Variants in RERE observed in about 807,000 individuals in gnomAD.
RERE encodes the protein arginine-glutamic acid dipeptide repeats protein.
In RERE, 40 loss-of-function variants were observed where a neutral mutation model predicts 146.1. The observed-to-expected ratio is 0.27, with a 90% CI of 0.21 to 0.36. The LOEUF (loss-of-function observed/expected upper bound fraction) is 0.36, where lower values mean the gene tolerates loss of function less well. RERE is among the 10% of genes least tolerant of loss of function. The pLI, the probability that RERE is intolerant of heterozygous loss-of-function variation, is 1.00. For synonymous variants in RERE, 1,003 were observed against 866.0 expected, an observed-to-expected ratio of 1.16 and a Z score of -2.78; for missense variants, 1,933 against 2,138.7, an observed-to-expected ratio of 0.90 and a Z score of 1.90.
At chr1:8,564,546 T>C (rs560525110) in intron 4 of RERE, among the ~76,000 whole-genome samples, 1 of 152,264 alleles carries the variant, frequency 6.6e-6, no homozygotes, top group East Asian at 1.9e-4. Flanking sequence ...CACAGGTAAA[T>C]CAAAACTAAA....
At chr1:8,730,125 C>T (rs1247871340) in intron 1 of RERE, among the ~76,000 whole-genome samples, 14 of 152,086 alleles carry the variant, frequency 9.2e-5, no homozygotes, top group Admixed American at 9.2e-4. Flanking sequence ...AGGTAAATAC[C>T]AAGGACTGAA....
intron 16 of RERE, among the ~76,000 whole-genome samples, 187 bp downstream of exon 16, chr1:8,362,496 G>A (rs1010465146): frequency 1.3e-5 from 2 of 152,280 alleles, no homozygotes; most frequent in Middle Eastern, 3.4e-3. Context: ...GTTGGTGCTC[G>A]AGCCCCCTTC....
At position 8,356,397 on chromosome 1, in the gene RERE, C is replaced by T. The variant is rs1014642036; in HGVS notation, c.4340-151G>A. ...ACCACCTGGCTACAGGTGGCCCTGC[C>T]CCAAAGTGGCTGCCTCCACCTTCAG... is the stretch of plus-strand genomic sequence containing the variant. On this transcript the variant is annotated intron_variant, in intron 20 of 22. Transcript: ENST00000400908. The surrounding 1 kb of genome is among the most constrained non-coding windows in gnomAD (Gnocchi z 5.2). 1 of 892,886 alleles carries T rather than the reference C, an allele frequency of 1.1e-6. No homozygotes were observed. The highest frequency in any genetic ancestry group is 1.6e-6 in the Non-Finnish European group (1 of 641,578). 55.3% of individuals were successfully genotyped at this position (892,886 alleles called of 1,614,324 possible).
chr1:8,757,389 G>A (rs1640664222), intron 1 of RERE, among the ~76,000 whole-genome samples: 1 of 152,132 alleles, frequency 6.6e-6, no homozygotes, highest in Non-Finnish European at 1.5e-5. Flanking sequence ...CTCTAGTCAT[G>A]ACTAAATGAA....
chr1:8,444,146 C>G (rs557868953), intron 11 of RERE, among the ~76,000 whole-genome samples: 39 of 152,296 alleles, frequency 2.6e-4, no homozygotes, highest in African/African-American at 9.4e-4. Flanking sequence ...TTTGCTGAAC[C>G]CTGCAAAGCC....
chr1:8,397,317 A>G (rs747117477), intron 12 of RERE, among the ~76,000 whole-genome samples: 7 of 152,218 alleles, frequency 4.6e-5, no homozygotes, highest in Non-Finnish European at 8.8e-5. Flanking sequence ...CTAGTGCATA[A>G]TAAGAGCTCA....
At chr1:8,767,299 T>G (rs549458628) in intron 1 of RERE, among the ~76,000 whole-genome samples, 2 of 152,252 alleles carry the variant, frequency 1.3e-5, no homozygotes, top group Non-Finnish European at 2.9e-5. Flanking sequence ...GTTTGATACA[T>G]AATTGAAATA....
chr1:8,465,875 C>A (rs758402444), intron 11 of RERE, 50 bp downstream of exon 11: 19 of 1,504,674 alleles, frequency 1.3e-5, no homozygotes, highest in Non-Finnish European at 1.8e-5. Flanking sequence ...CACTGAGACG[C>A]CGGTGGCCCG....
At chr1:8,600,750 CTTTTTT>C (rs59816060) in intron 4 of RERE, among the ~76,000 whole-genome samples, 9 of 113,422 alleles carry the variant, frequency 7.9e-5, no homozygotes, top group Admixed American at 1.8e-4. Context: ...CAAGCCAATA[CTTTTTT>C]TTTTTTTTTT....
At chr1:8,630,251 T>C (rs1367739642) in intron 2 of RERE, among the ~76,000 whole-genome samples, 1 of 152,132 alleles carries the variant, frequency 6.6e-6, no homozygotes, top group Non-Finnish European at 1.5e-5. Flanking sequence ...GCATACTGCA[T>C]GTCCTCCAAC....
intron 1 of RERE, among the ~76,000 whole-genome samples, chr1:8,728,843 AGG>A (rs1640024251): frequency 6.6e-6 from 1 of 152,194 alleles, no homozygotes; most frequent in East Asian, 1.9e-4. Context: ...GCTAGCAACT[AGG>A]GCCAAGAGAC....
At chr1:8,681,278 G>C (rs1638959652) in intron 1 of RERE, among the ~76,000 whole-genome samples, 1 of 152,110 alleles carries the variant, frequency 6.6e-6, no homozygotes, top group African/African-American at 2.4e-5. Context: ...AAATCATAAG[G>C]ATCTCATATA....
chr1:8,738,260 C>A (rs1458334784), intron 1 of RERE, among the ~76,000 whole-genome samples: 1 of 152,076 alleles, frequency 6.6e-6, no homozygotes, highest in Non-Finnish European at 1.5e-5. Context: ...GAGCTTTATT[C>A]GTGCCTTTCT....
intron 1 of RERE, among the ~76,000 whole-genome samples, chr1:8,694,310 C>T (rs1639273404): frequency 6.6e-6 from 1 of 152,166 alleles, no homozygotes; most frequent in African/African-American, 2.4e-5. Context: ...GTACAAAACT[C>T]AGCAGTATGT....
chr1:8,542,272 C>T (rs770442386), intron 6 of RERE, among the ~76,000 whole-genome samples: 1 of 152,074 alleles, frequency 6.6e-6, no homozygotes, highest in Non-Finnish European at 1.5e-5. Context: ...AAATGGAGGA[C>T]CAAAAGTTCC....
At chr1:8,746,660 A>G (rs535384732) in intron 1 of RERE, among the ~76,000 whole-genome samples, 2 of 152,072 alleles carry the variant, frequency 1.3e-5, no homozygotes, top group Non-Finnish European at 2.9e-5. Context: ...CTATACTGAC[A>G]TACGAGTCAT....
intron 8 of RERE, among the ~76,000 whole-genome samples, chr1:8,498,723 AT>A (rs1283170214): frequency 1.3e-4 from 15 of 116,424 alleles, no homozygotes; most frequent in African/African-American, 3.5e-4. Context: ...AAAAAAAAAA[AT>A]AAATATATAC....
At chr1:8,557,548 T>A in intron 4 of RERE, 25 bp from the exon 5 acceptor site, 1 of 1,499,200 alleles carries the variant, frequency 6.7e-7, no homozygotes, top group Non-Finnish European at 9.3e-7. Flanking sequence ...CTAACAGCAT[T>A]AGGAACAGGA....
At chr1:8,367,670 A>G (rs1309469526) in intron 12 of RERE, among the ~76,000 whole-genome samples, 1 of 152,214 alleles carries the variant, frequency 6.6e-6, no homozygotes, top group Non-Finnish European at 1.5e-5. Flanking sequence ...TGAGATGGTA[A>G]CTGAATGATA....
Sources: gnomAD v4.1 joint callset for allele counts (sites outside exome capture counted in the v4.1 genomes callset) on GRCh38, gnomAD v4.1.1 for gene constraint, Gnocchi (gnomAD v3.1) non-coding constraint, MANE v1.5 for transcripts, NCBI Gene and HGNC (gene_info 2026-07-23, HGNC 2026-07-21) for gene names.